The following TENM3 variants were observed in gnomAD, a reference collection of about 807,000 sequenced individuals.
TENM3 encodes the protein teneurin transmembrane protein 3.
Under a neutral mutation model 255.1 loss-of-function variants are expected in TENM3, and 63 were observed. The observed-to-expected ratio is 0.25, with a 90% confidence interval of 0.20 to 0.30. TENM3 has a LOEUF of 0.30. Ranked by LOEUF, TENM3 falls within the 10% of genes least tolerant of loss-of-function variation. The pLI is 1.00. For synonymous variants in TENM3, 1,306 were observed against 1,322.3 expected (o/e 0.99, Z 0.27); for missense variants, 2,929 against 3,461.1 (o/e 0.85, Z 3.86).
chr4:182,341,814 A>T (rs943147701), intron 2 of TENM3, among the ~76,000 whole-genome samples: 1 of 152,366 alleles, frequency 6.6e-6, no homozygotes, highest in Non-Finnish European at 1.5e-5. Context: ...AAAAAATGAT[A>T]GAATAAAATA....
At chr4:182,726,461 G>A (rs537069842) in intron 13 of TENM3, among the ~76,000 whole-genome samples, 3 of 152,024 alleles carry the variant, frequency 2.0e-5, no homozygotes, top group South Asian at 2.1e-4. Flanking sequence ...CTTCTATACC[G>A]GCAGCAAGGT....
At chr4:181,711,549 T>C in the TENM3 span, among the ~76,000 whole-genome samples, 4 of 151,962 alleles carry the variant, frequency 2.6e-5, no homozygotes, top group African/African-American at 9.7e-5. Context: ...AAATAAGAGG[T>C]TGCAGTTATA....
At chr4:182,251,345 G>C (rs937311958) in intron 1 of TENM3, among the ~76,000 whole-genome samples, 2 of 152,034 alleles carry the variant, frequency 1.3e-5, no homozygotes, top group Non-Finnish European at 2.9e-5. Flanking sequence ...GCATGTGCCC[G>C]TAGTCCTGGC....
chr4:182,268,554 C>T (rs1177926840), intron 1 of TENM3, among the ~76,000 whole-genome samples: 1 of 152,086 alleles, frequency 6.6e-6, no homozygotes, highest in Non-Finnish European at 1.5e-5. Flanking sequence ...GCTGCATTCC[C>T]AGATGGTTAA....
At chr4:181,605,564 A>T in the TENM3 span, among the ~76,000 whole-genome samples, 273 of 25,020 alleles carry the variant, frequency 0.011, 49 homozygotes, top group East Asian at 0.022. Flanking sequence ...GAAAGAAAGA[A>T]AGAAAGAGAG....
intron 3 of TENM3, among the ~76,000 whole-genome samples, chr4:182,409,695 T>C (rs1315377282): frequency 3.3e-5 from 5 of 152,258 alleles, no homozygotes; most frequent in Admixed American, 3.3e-4. Flanking sequence ...AAATATATTC[T>C]GAGGACAATG....
intron 1 of TENM3, among the ~76,000 whole-genome samples, chr4:182,297,497 C>T (rs776391525): frequency 3.0e-4 from 46 of 152,292 alleles, no homozygotes; most frequent in Non-Finnish European, 5.6e-4. Flanking sequence ...AATTCACCAT[C>T]CTGTGGTTTC....
chr4:182,020,314 T>C, the TENM3 span, among the ~76,000 whole-genome samples: 48,788 of 151,702 alleles, frequency 0.32, 8,186 homozygotes, highest in Admixed American at 0.38. Context: ...TGCAGTGAGC[T>C]GAGATCACGC....
the TENM3 span, among the ~76,000 whole-genome samples, chr4:181,863,383 C>A: frequency 6.6e-6 from 1 of 152,118 alleles, no homozygotes; most frequent in Non-Finnish European, 1.5e-5. Flanking sequence ...CAGTAAATAT[C>A]ATGCATAAAA....
At chr4:182,403,197 T>C (rs1047618308) in intron 3 of TENM3, among the ~76,000 whole-genome samples, 2 of 152,058 alleles carry the variant, frequency 1.3e-5, no homozygotes, top group Admixed American at 6.6e-5. Context: ...AGTCCTAGGG[T>C]TGATTGGTCA....
At chr4:181,888,525 T>TATATATATATATAC in the TENM3 span, among the ~76,000 whole-genome samples, 2 of 99,870 alleles carry the variant, frequency 2.0e-5, no homozygotes, top group African/African-American at 1.0e-4. Context: ...TGTATATATA[T>TATATATATATATAC]ACATATATGT....
chr4:182,204,339 T>TACAA (rs1754408440), intron 1 of TENM3, among the ~76,000 whole-genome samples: 1 of 152,104 alleles, frequency 6.6e-6, no homozygotes, highest in Non-Finnish European at 1.5e-5. Context: ...ATTTTAAGAG[T>TACAA]GTGTGGTACA....
At chr4:181,641,441 T>G in the TENM3 span, among the ~76,000 whole-genome samples, 1 of 149,844 alleles carries the variant, frequency 6.7e-6, no homozygotes, top group Non-Finnish European at 1.5e-5. Flanking sequence ...GTGTTTGGTT[T>G]TCTGTTCTTG....
chr4:181,825,832 ATGGC>A, the TENM3 span, among the ~76,000 whole-genome samples: 5 of 152,200 alleles, frequency 3.3e-5, no homozygotes, highest in Admixed American at 6.5e-5. Flanking sequence ...TTATTTAGAA[ATGGC>A]TTAAACAGAC....
At chr4:181,879,825 CCAAAGTGATCTGT>C in the TENM3 span, among the ~76,000 whole-genome samples, 4 of 152,050 alleles carry the variant, frequency 2.6e-5, no homozygotes, top group Non-Finnish European at 4.4e-5. Context: ...ATTGCTCAGT[CCAAAGTGATCTGT>C]CAAAAATCAG....
chr4:181,976,891 G>A, the TENM3 span, among the ~76,000 whole-genome samples: 3 of 152,168 alleles, frequency 2.0e-5, no homozygotes, highest in Non-Finnish European at 2.9e-5. Flanking sequence ...TCAGAGTGAC[G>A]GAAAGAATAA....
chr4:182,326,099 C>G (rs1324762042), intron 2 of TENM3, among the ~76,000 whole-genome samples: 2 of 152,196 alleles, frequency 1.3e-5, no homozygotes, highest in Non-Finnish European at 2.9e-5. Context: ...AGAGAAAGGG[C>G]GCCAGGCGGC....
At chr4:182,339,912 A>G (rs901179328) in intron 2 of TENM3, among the ~76,000 whole-genome samples, 1 of 66,190 alleles carries the variant, frequency 1.5e-5, no homozygotes, top group African/African-American at 3.5e-5. Context: ...TTTTGATTTA[A>G]AAAAAAAAGC....
chr4:181,829,409 G>A, the TENM3 span, among the ~76,000 whole-genome samples: 1 of 152,170 alleles, frequency 6.6e-6, no homozygotes, highest in Non-Finnish European at 1.5e-5. Context: ...TGTGTTAAAG[G>A]GGATGACCTG....
Sources: gnomAD v4.1 joint callset for allele counts (sites outside exome capture counted in the v4.1 genomes callset) on GRCh38, gnomAD v4.1.1 for gene constraint, MANE v1.5 for transcripts, NCBI Gene and HGNC (gene_info 2026-07-23, HGNC 2026-07-21) for gene names.